RBM20: variants seen among roughly 807,000 people sequenced by gnomAD.
RBM20 encodes the protein RNA-binding protein 20.
In RBM20, 51 loss-of-function variants were observed where a neutral mutation model predicts 110.1. The observed-to-expected ratio is 0.46, with a 90% confidence interval of 0.37 to 0.59. The LOEUF is 0.59. Ranked by LOEUF, RBM20 falls within the 20% of genes least tolerant of loss-of-function variation. RBM20 has a pLI of 0.00. For synonymous variants in RBM20, 589 were observed against 618.2 expected (o/e 0.95, Z 0.70); for missense variants, 1,512 against 1,574.9 (o/e 0.96, Z 0.68).
chr10:110,797,617 C>T lies in RBM20; in HGVS notation c.1637C>T (p.Thr546Ile). ...CTGGGGCTGCCCTTTGGAAAGGTCA[C>T]TAATTACATCCTCATGAAGTCGACT... ...INLGLPFGKV[T>I]NYILMKSTNQ... The change falls in exon 6 of 14, where the codon ACT becomes ATT. Residue 546 changes from threonine to isoleucine, a missense_variant. Transcript: ENST00000369519. The T allele has an allele frequency of 6.4e-7, 1 of 1,551,794 alleles. No individual in the cohort carries two copies. Among genetic ancestry groups the T allele is most frequent in the Non-Finnish European group, 8.7e-7 (1 of 1,147,012 alleles).
chr10:110,716,272 C>T (rs577754613), intron 1 of RBM20, among the ~76,000 whole-genome samples: 14 of 152,292 alleles, frequency 9.2e-5, no homozygotes, highest in South Asian at 2.1e-4. Flanking sequence ...CAGGGCAAGG[C>T]TTAGCCTCAT....
Position 110,812,651 on chromosome 10 carries a change from T to C in RBM20, c.2254T>C (p.Tyr752His). The change falls in exon 9 of 14, where the codon TAC (tyrosine) becomes CAC (histidine). Residue 752 changes from tyrosine (Y) to histidine (H), a missense_variant. Around this residue, in one of 3 missense-constraint regions of RBM20, gnomAD observed 1,149 missense variants for 1,169.4 expected, o/e 0.98. Coordinates refer to ENST00000369519, the MANE Select transcript of RBM20 (RefSeq NM_001134363.3). ...SPNLPHSVSS[Y>H]KSREDGYYRK... The stretch of plus-strand genomic sequence containing the variant: ...CAACCTGCCCCACTCTGTGTCCAGC[T>C]ACAAAAGCCGTGAAGACGGCTACTA... 1 of 1,551,508 alleles carries C rather than the reference T, an allele frequency of 6.4e-7. No homozygotes were observed. The highest frequency in any genetic ancestry group is 8.7e-7 in the Non-Finnish European group (1 of 1,146,962).
At chr10:110,685,227 A>G (rs1862485622) in intron 1 of RBM20, among the ~76,000 whole-genome samples, 1 of 152,220 alleles carries the variant, frequency 6.6e-6, no homozygotes. Context: ...TTGAAAGCGT[A>G]TCGCTGATTG....
chr10:110,812,881 C>A lies in RBM20; in HGVS notation c.2484C>A (p.Thr828=). 6.8e-7 allele frequency: 1 copy of A among 1,473,794 alleles called. No individual in the cohort carries two copies. Among genetic ancestry groups the A allele is most frequent in the Non-Finnish European group, 9.0e-7 (1 of 1,113,814 alleles). 91.3% of individuals were successfully genotyped at this position (1,473,794 alleles called of 1,614,324 possible). The change falls in exon 9 of 14, where the codon ACC becomes ACA. Residue 828 remains threonine (T), a synonymous_variant. Transcript: ENST00000369519. ...CCAAGCAGAATGAGAAAAATAAAAC[C>A]AAGAGAACTGATAGAGACCAAGAAG... The part of the protein sequence containing the change: ...AKAKQNEKNK[T]KRTDRDQEGA...
intron 7 of RBM20, among the ~76,000 whole-genome samples, chr10:110,803,812 C>CAAAAA (rs58202648): frequency 2.1e-4 from 12 of 57,188 alleles, no homozygotes; most frequent in African/African-American, 3.6e-4. Context: ...TTGGCTTAAG[C>CAAAAA]AAAAAAAAAA....
At chr10:110,711,329 CAAAAAA>C (rs1157753270) in intron 1 of RBM20, among the ~76,000 whole-genome samples, 4 of 28,404 alleles carry the variant, frequency 1.4e-4, no homozygotes, top group Middle Eastern at 0.042. Context: ...GACTCCATCT[CAAAAAA>C]AAAAAAAAAA....
intron 6 of RBM20, among the ~76,000 whole-genome samples, chr10:110,798,565 T>A (rs1844581013): frequency 6.6e-6 from 1 of 152,204 alleles, no homozygotes; most frequent in South Asian, 2.1e-4. Flanking sequence ...TGCTAAAGTG[T>A]TTATCAAGAA....
At chr10:110,744,509 A>G (rs761936129) in intron 1 of RBM20, among the ~76,000 whole-genome samples, 1 of 152,358 alleles carries the variant, frequency 6.6e-6, no homozygotes. Flanking sequence ...GTCCTGCACC[A>G]GCAGCAATAT....
chr10:110,706,695 A>G (rs1000868374), intron 1 of RBM20, among the ~76,000 whole-genome samples: 2 of 152,174 alleles, frequency 1.3e-5, no homozygotes, highest in Non-Finnish European at 2.9e-5. Context: ...CTCAAAACCA[A>G]TGGCGATTCT....
intron 12 of RBM20, among the ~76,000 whole-genome samples, chr10:110,826,684 G>A (rs1844986054): frequency 6.6e-6 from 1 of 151,888 alleles, no homozygotes; most frequent in African/African-American, 2.4e-5. Context: ...CTGGGTTCAA[G>A]TGATTCTCCT....
intron 1 of RBM20, among the ~76,000 whole-genome samples, chr10:110,653,129 T>A (rs906140459): frequency 6.6e-6 from 1 of 152,188 alleles, no homozygotes; most frequent in African/African-American, 2.4e-5. Context: ...CTTAACACCT[T>A]CAAGCTGTGG....
intron 1 of RBM20, among the ~76,000 whole-genome samples, chr10:110,767,473 G>C (rs1203284591): frequency 2.1e-5 from 3 of 144,226 alleles, no homozygotes; most frequent in Non-Finnish European, 4.5e-5. Context: ...CCGGGCGGAG[G>C]GGCTCCTCAC....
chr10:110,669,637 G>T (rs1862231281), intron 1 of RBM20, among the ~76,000 whole-genome samples: 1 of 152,186 alleles, frequency 6.6e-6, no homozygotes, highest in Non-Finnish European at 1.5e-5. Context: ...GCTCAGACTG[G>T]TGTCCAAACC....
At chr10:110,760,847 A>C (rs1375517463) in intron 1 of RBM20, among the ~76,000 whole-genome samples, 1 of 151,136 alleles carries the variant, frequency 6.6e-6, no homozygotes, top group Non-Finnish European at 1.5e-5. Context: ...TAATCCCAGC[A>C]CTTTGGGAGG....
chr10:110,762,743 A>G (rs1759645159), intron 1 of RBM20, among the ~76,000 whole-genome samples: 1 of 152,130 alleles, frequency 6.6e-6, no homozygotes, highest in Admixed American at 6.5e-5. Context: ...ACTGCACATC[A>G]CTGCTTCTCC....
At chr10:110,802,276 G>A (rs550094698) in intron 7 of RBM20, among the ~76,000 whole-genome samples, 1 of 152,048 alleles carries the variant, frequency 6.6e-6, no homozygotes, top group Non-Finnish European at 1.5e-5. Flanking sequence ...GTCTCCATAT[G>A]TAGATGGGCA....
At chr10:110,823,458 T>G in intron 11 of RBM20, 22 bp from the exon 12 acceptor site, 3 of 868,292 alleles carry the variant, frequency 3.5e-6, no homozygotes, top group Non-Finnish European at 4.4e-6. Context: ...TTTTTTTTTT[T>G]GCCTTGGTTC....
intron 1 of RBM20, among the ~76,000 whole-genome samples, chr10:110,701,454 A>G (rs1862757174): frequency 6.6e-6 from 1 of 152,224 alleles, no homozygotes; most frequent in East Asian, 1.9e-4. Context: ...TGCTGTTCCC[A>G]TCATTTACCC....
chr10:110,779,866 G>A (rs532818153), intron 1 of RBM20, among the ~76,000 whole-genome samples: 2 of 152,304 alleles, frequency 1.3e-5, no homozygotes, highest in South Asian at 4.1e-4. Flanking sequence ...TGTGAAATGA[G>A]GACAAGGATG....
Sources: allele counts gnomAD v4.1 joint callset (sites outside exome capture counted in the v4.1 genomes callset), GRCh38; gene constraint gnomAD v4.1.1; regional missense constraint gnomAD v4.1.1; transcripts MANE v1.5; gene names NCBI Gene and HGNC (gene_info 2026-07-23, HGNC 2026-07-21).